Variants in MAF observed in about 807,000 individuals in gnomAD.
MAF encodes transcription factor Maf.
Under a neutral mutation model 22.0 loss-of-function variants are expected in MAF, and 10 were observed. That is an observed-to-expected ratio of 0.45 (90% confidence interval 0.28 to 0.77). The LOEUF (loss-of-function observed/expected upper bound fraction) is 0.77, where lower values mean the gene tolerates loss of function less well. Ranked by LOEUF, MAF falls within the 30% of genes least tolerant of loss-of-function variation. The pLI, the probability that MAF is intolerant of heterozygous loss-of-function variation, is 0.12. For missense variants in MAF, 544 were observed against 548.4 expected (o/e 0.99, Z 0.08); for synonymous variants, 337 against 255.8 (o/e 1.32, Z -3.03).
the MAF span, among the ~76,000 whole-genome samples, chr16:79,367,183 G>T: frequency 1.3e-5 from 2 of 152,176 alleles, no homozygotes; most frequent in African/African-American, 4.8e-5. Context: ...ATTTGAGACA[G>T]TTCTCCTCTT....
At chr16:79,303,875 G>C in the MAF span, among the ~76,000 whole-genome samples, 1 of 152,082 alleles carries the variant, frequency 6.6e-6, no homozygotes, top group African/African-American at 2.4e-5. Flanking sequence ...ATACCAGAAA[G>C]TCAAATCAAC....
At chr16:79,543,492 G>C in the MAF span, among the ~76,000 whole-genome samples, 182 of 152,302 alleles carry the variant, frequency 1.2e-3, no homozygotes, top group African/African-American at 4.0e-3. Context: ...ATGTTCTCAA[G>C]ATGGCGGGCA....
chr16:79,577,044 C>T, the MAF span, among the ~76,000 whole-genome samples: 1 of 152,082 alleles, frequency 6.6e-6, no homozygotes, highest in Non-Finnish European at 1.5e-5. Context: ...ACGAAATGTG[C>T]CATCTATTGT....
chr16:79,233,941 G>A, the MAF span, among the ~76,000 whole-genome samples: 2 of 149,642 alleles, frequency 1.3e-5, no homozygotes, highest in African/African-American at 2.5e-5. Flanking sequence ...GCGGTGAGCC[G>A]AGATCACTCA....
At chr16:79,264,117 G>A in the MAF span, among the ~76,000 whole-genome samples, 1 of 152,174 alleles carries the variant, frequency 6.6e-6, no homozygotes, top group Non-Finnish European at 1.5e-5. Flanking sequence ...CTGTTCATGA[G>A]GCAGAATAGG....
At chr16:79,471,297 C>A in the MAF span, among the ~76,000 whole-genome samples, 1 of 152,210 alleles carries the variant, frequency 6.6e-6, no homozygotes, top group Non-Finnish European at 1.5e-5. Flanking sequence ...ATGAAGAGCA[C>A]GACAGAACCC....
chr16:79,596,576 T>C (rs548223674), intron 1 of MAF: 2 of 1,047,570 alleles, frequency 1.9e-6, no homozygotes, highest in South Asian at 9.2e-5. Context: ...CACGCGTGGT[T>C]AGTTAGTAAC....
At chr16:79,512,890 A>G in the MAF span, among the ~76,000 whole-genome samples, 22 of 152,320 alleles carry the variant, frequency 1.4e-4, no homozygotes, top group South Asian at 4.4e-3. Flanking sequence ...CACGTGCTGT[A>G]TACCTGTATA....
the MAF span, among the ~76,000 whole-genome samples, chr16:79,556,346 A>G: frequency 1.3e-5 from 2 of 152,176 alleles, no homozygotes; most frequent in Non-Finnish European, 2.9e-5. Context: ...ACTTAGCTCA[A>G]GCTCCCTCCT....
chr16:79,373,573 G>A, the MAF span, among the ~76,000 whole-genome samples: 2 of 151,572 alleles, frequency 1.3e-5, no homozygotes, highest in South Asian at 2.1e-4. Context: ...AGTAGAGACG[G>A]GGTTTTACCA....
At chr16:79,231,710 G>T in the MAF span, among the ~76,000 whole-genome samples, 3 of 152,094 alleles carry the variant, frequency 2.0e-5, no homozygotes, top group South Asian at 2.1e-4. Context: ...ACCAGGGACT[G>T]GTTTCACGGA....
chr16:79,353,181 G>A, the MAF span, among the ~76,000 whole-genome samples: 2 of 151,446 alleles, frequency 1.3e-5, no homozygotes, highest in African/African-American at 2.4e-5. Flanking sequence ...GAGAGCAGCT[G>A]CGCAATCTCA....
chr16:79,475,188 G>T, the MAF span, among the ~76,000 whole-genome samples: 292 of 152,208 alleles, frequency 1.9e-3, 4 homozygotes, highest in East Asian at 0.053. Context: ...AGAATTGGAA[G>T]GAAGATTAAC....
the MAF span, among the ~76,000 whole-genome samples, chr16:79,267,948 G>C: frequency 6.6e-6 from 1 of 152,112 alleles, no homozygotes; most frequent in Non-Finnish European, 1.5e-5. Flanking sequence ...GCGGGGGCAC[G>C]CCTTTCCCCT....
the MAF span, among the ~76,000 whole-genome samples, chr16:79,517,200 G>A: frequency 6.6e-6 from 1 of 152,114 alleles, no homozygotes; most frequent in Admixed American, 6.5e-5. Context: ...GAGCCTACCT[G>A]GGCCTGATTT....
At chr16:79,353,555 C>T in the MAF span, among the ~76,000 whole-genome samples, 7 of 152,072 alleles carry the variant, frequency 4.6e-5, no homozygotes, top group South Asian at 2.1e-4. Flanking sequence ...TGAGAGTCGC[C>T]GGTAGGGAGG....
At chr16:79,279,845 G>A in the MAF span, among the ~76,000 whole-genome samples, 1 of 152,108 alleles carries the variant, frequency 6.6e-6, no homozygotes, top group East Asian at 1.9e-4. Context: ...AGCTTTGGCA[G>A]AGCACTAGAT....
the MAF span, among the ~76,000 whole-genome samples, chr16:79,344,626 T>A: frequency 6.6e-6 from 1 of 152,198 alleles, no homozygotes; most frequent in Non-Finnish European, 1.5e-5. Flanking sequence ...ATAATAAGTA[T>A]CCCAGATGAC....
the MAF span, among the ~76,000 whole-genome samples, chr16:79,547,338 C>A: frequency 6.6e-6 from 1 of 151,940 alleles, no homozygotes; most frequent in African/African-American, 2.4e-5. Context: ...CATACACACA[C>A]GTACCCACAG....
Sources: allele counts gnomAD v4.1 joint callset (sites outside exome capture counted in the v4.1 genomes callset), GRCh38; gene constraint gnomAD v4.1.1; transcripts MANE v1.5; gene names NCBI Gene and HGNC (gene_info 2026-07-23, HGNC 2026-07-21).